Variants in PHF21A observed in about 807,000 individuals in gnomAD.
PHF21A encodes BHC80a.
PHF21A carries 11 observed loss-of-function variants against 82.5 expected under a neutral mutation model. The observed-to-expected ratio is 0.13, with a 90% CI of 0.08 to 0.22. PHF21A has a LOEUF of 0.22. Ranked by LOEUF, PHF21A falls within the 10% of genes least tolerant of loss-of-function variation. The probability of loss-of-function intolerance (pLI) is 1.00; values close to 1 mark genes in which losing one functional copy is unlikely to be tolerated. For synonymous variants in PHF21A, 297 were observed against 302.8 expected, an observed-to-expected ratio of 0.98 and a Z score of 0.20; for missense variants, 579 against 837.8, an observed-to-expected ratio of 0.69 and a Z score of 3.81.
chr11:46,020,705 C>T (rs1391919880), intron 6 of PHF21A, among the ~76,000 whole-genome samples: 1 of 152,152 alleles, frequency 6.6e-6, no homozygotes, highest in Non-Finnish European at 1.5e-5. Flanking sequence ...GTACCGACTC[C>T]AAATTCAAAA....
chr11:46,065,472 T>C (rs773332364), intron 6 of PHF21A, among the ~76,000 whole-genome samples: 15 of 152,200 alleles, frequency 9.9e-5, no homozygotes, highest in Non-Finnish European at 2.2e-4. Flanking sequence ...AGAATGAATA[T>C]GGGTCCTGAT....
chr11:45,950,706 A>G (rs535374477), intron 11 of PHF21A, among the ~76,000 whole-genome samples: 1 of 152,262 alleles, frequency 6.6e-6, no homozygotes, highest in Admixed American at 6.5e-5. Flanking sequence ...CAATGACAGA[A>G]ATCAGTATCT....
intron 6 of PHF21A, among the ~76,000 whole-genome samples, chr11:46,042,068 G>C (rs2096155203): frequency 1.3e-5 from 2 of 151,994 alleles, no homozygotes; most frequent in Non-Finnish European, 2.9e-5. Context: ...ACATTTTCTG[G>C]AACACAACCA....
intron 1 of PHF21A, among the ~76,000 whole-genome samples, chr11:46,113,367 A>C (rs2097246028): frequency 6.6e-6 from 1 of 152,242 alleles, no homozygotes; most frequent in Non-Finnish European, 1.5e-5. Flanking sequence ...AAAAGTATCA[A>C]TATTTAGACC....
At chr11:45,974,911 G>A (rs1453421932) in intron 7 of PHF21A, among the ~76,000 whole-genome samples, 1 of 152,130 alleles carries the variant, frequency 6.6e-6, no homozygotes, top group Non-Finnish European at 1.5e-5. Flanking sequence ...AGTTAATGCA[G>A]AAATACATGG....
chr11:46,036,246 TCATAAGTAA>T (rs2096001348), intron 6 of PHF21A, among the ~76,000 whole-genome samples: 1 of 152,192 alleles, frequency 6.6e-6, no homozygotes, highest in Admixed American at 6.5e-5. Context: ...AAATTTACAG[TCATAAGTAA>T]CATAACTGGA....
intron 1 of PHF21A, among the ~76,000 whole-genome samples, chr11:46,106,932 C>A (rs1478225491): frequency 6.6e-6 from 1 of 152,196 alleles, no homozygotes; most frequent in African/African-American, 2.4e-5. Context: ...GAAAGAAAGG[C>A]TGTTTCTTTA....
chr11:46,010,971 TTCTC>T (rs148137663), intron 6 of PHF21A, among the ~76,000 whole-genome samples: 2 of 151,410 alleles, frequency 1.3e-5, no homozygotes, highest in Admixed American at 6.6e-5. Context: ...AACTTTCTCT[TTCTC>T]TCTCTCTCTC....
chr11:45,976,731 A>G (rs957318219), intron 7 of PHF21A, among the ~76,000 whole-genome samples: 1 of 152,090 alleles, frequency 6.6e-6, no homozygotes, highest in Non-Finnish European at 1.5e-5. Context: ...AGTCCCAGCT[A>G]CCCGGGAGGC....
chr11:45,946,910 G>T (rs1261674765), intron 14 of PHF21A, among the ~76,000 whole-genome samples: 1 of 152,188 alleles, frequency 6.6e-6, no homozygotes, highest in Non-Finnish European at 1.5e-5. Context: ...GGCATGTTCT[G>T]GGAGTAGCTG....
chr11:45,972,179 G>A (rs1452355909), intron 7 of PHF21A, among the ~76,000 whole-genome samples: 2 of 152,020 alleles, frequency 1.3e-5, no homozygotes, highest in Admixed American at 1.3e-4. Context: ...AAGCCTGAGA[G>A]ATCAGAAGAT....
At chr11:46,067,879 C>T (rs2139712533) in intron 6 of PHF21A, among the ~76,000 whole-genome samples, 1 of 152,210 alleles carries the variant, frequency 6.6e-6, no homozygotes, top group Non-Finnish European at 1.5e-5. Context: ...GGCACAAGTA[C>T]CAAGTACCAT....
Position 46,051,635 on chromosome 11 carries a change from G to A in PHF21A, c.153+25119C>T, listed in dbSNP as rs1049700339. Among the ~76,000 whole-genome samples the A allele has an allele frequency of 2.0e-5, 3 of 152,180 alleles. No individual in the cohort carries two copies. The East Asian group carries it at 5.8e-4, about 29-fold the overall frequency. ...TCATTAACCAGCTGTTTTTAAGCAT[G>A]CCAATGTGCAATTCCATTCTGTAGT... On this transcript the variant is annotated intron_variant, in intron 6 of 18. Transcript: ENST00000676320.
intron 6 of PHF21A, among the ~76,000 whole-genome samples, chr11:45,993,816 C>A (rs575670640): frequency 6.6e-6 from 1 of 151,700 alleles, no homozygotes; most frequent in Non-Finnish European, 1.5e-5. Context: ...TGCTGGGAAA[C>A]GGGACGGTCA....
chr11:45,987,563 A>G (rs976105682), intron 6 of PHF21A, among the ~76,000 whole-genome samples: 1 of 144,166 alleles, frequency 6.9e-6, no homozygotes, highest in Non-Finnish European at 1.5e-5. Context: ...CGGGAGGCTG[A>G]GGCAGGAGAA....
intron 7 of PHF21A, among the ~76,000 whole-genome samples, chr11:45,973,374 G>A (rs979607284): frequency 2.0e-5 from 3 of 152,188 alleles, no homozygotes; most frequent in Non-Finnish European, 2.9e-5. Flanking sequence ...TCTACTTAGG[G>A]GTATTAAGTT....
chr11:45,983,006 T>C (rs927225632), intron 6 of PHF21A, among the ~76,000 whole-genome samples: 1 of 152,048 alleles, frequency 6.6e-6, no homozygotes, highest in Non-Finnish European at 1.5e-5. Context: ...TAAAGTACAC[T>C]AGAAGCAAGA....
intron 6 of PHF21A, among the ~76,000 whole-genome samples, chr11:46,028,722 C>T (rs913588731): frequency 2.6e-5 from 4 of 151,674 alleles, no homozygotes; most frequent in African/African-American, 9.7e-5. Context: ...TACAGGCGCC[C>T]GCCACCACGC....
intron 5 of PHF21A, among the ~76,000 whole-genome samples, chr11:46,077,081 C>G (rs868654792): frequency 1.3e-5 from 2 of 152,170 alleles, no homozygotes; most frequent in Admixed American, 6.5e-5. Context: ...GCATCTTGTA[C>G]GGTAAGAGTA....
Sources: allele counts gnomAD v4.1 joint callset (sites outside exome capture counted in the v4.1 genomes callset), GRCh38; gene constraint gnomAD v4.1.1; transcripts MANE v1.5; gene names NCBI Gene and HGNC (gene_info 2026-07-23, HGNC 2026-07-21).